ZNF827: variants seen among roughly 807,000 people sequenced by gnomAD.
The protein encoded by ZNF827 is zinc finger protein 827.
ZNF827 carries 13 observed loss-of-function variants against 102.4 expected under a neutral mutation model. The ratio of observed to expected loss-of-function variants is 0.13; its 90% CI spans 0.08 to 0.20. The LOEUF is 0.20. Ranked by LOEUF, ZNF827 falls within the 10% of genes least tolerant of loss-of-function variation. The probability of loss-of-function intolerance (pLI) is 1.00; values close to 1 mark genes in which losing one functional copy is unlikely to be tolerated. For missense variants in ZNF827, 1,103 were observed against 1,344.4 expected (o/e 0.82, Z 2.81); for synonymous variants, 523 against 536.2 (o/e 0.98, Z 0.34).
intron 1 of ZNF827, among the ~76,000 whole-genome samples, chr4:145,917,711 AAAAAAAAAAAAAAAAGAAAAG>A (rs1752760871): frequency 1.4e-5 from 2 of 146,502 alleles, no homozygotes; most frequent in Admixed American, 6.7e-5. Context: ...AAAAAAAAAA[AAAAAAAAAAAAAAAAGAAAAG>A]AAAAAACAAC....
Position 145,917,522 on chromosome 4 carries a change from T to C in ZNF827, c.44-14307A>G, listed in dbSNP as rs144062910. ...ACAGCTTCTTAAAGTCCCTCTTGATTACCTCTTAAAGGCCCCATCTCTCAA... is the reference window on the plus strand; with the variant it reads ...ACAGCTTCTTAAAGTCCCTCTTGATCACCTCTTAAAGGCCCCATCTCTCAA... On this transcript the variant is annotated intron_variant, in intron 1 of 14. Coordinates refer to ENST00000508784, the MANE Select transcript of ZNF827 (RefSeq NM_001306215.2). Among the ~76,000 whole-genome samples the C allele has an allele frequency of 4.1e-3, 631 of 152,060 alleles. 8 individuals are homozygous for C. The highest frequency in any genetic ancestry group is 0.014 in the African/African-American group (599 of 41,496).
chr4:145,804,753 T>C (rs1741240469), intron 8 of ZNF827, among the ~76,000 whole-genome samples: 1 of 152,176 alleles, frequency 6.6e-6, no homozygotes. Flanking sequence ...ATAAATTTCT[T>C]ATTAGGTACT....
chr4:145,771,203 C>T (rs1017932960), intron 11 of ZNF827, among the ~76,000 whole-genome samples: 1 of 152,116 alleles, frequency 6.6e-6, no homozygotes, highest in African/African-American at 2.4e-5. Flanking sequence ...TTTTCAGACC[C>T]AGGTTTTGGT....
chr4:145,844,169 G>T lies in ZNF827; in HGVS notation c.2279+1787C>A, dbSNP rs116398867. Reference sequence around the variant, plus strand: ...AGCTTAAAGGTTAGATGTAGGAGGGGGCAGGATGGATTCCATGGGAGTTCA... The same window carrying T: ...AGCTTAAAGGTTAGATGTAGGAGGGTGCAGGATGGATTCCATGGGAGTTCA... On this transcript the variant is annotated intron_variant, in intron 7 of 14. Coordinates refer to ENST00000508784, the MANE Select transcript of ZNF827 (RefSeq NM_001306215.2). 3.2e-3 allele frequency among the ~76,000 whole-genome samples: 480 copies of T among 152,086 alleles called. 2 individuals are homozygous for T. The highest frequency in any genetic ancestry group is 0.011 in the African/African-American group (461 of 41,488).
At chr4:145,936,887 G>C (rs1448997655) in intron 1 of ZNF827, among the ~76,000 whole-genome samples, 1 of 151,906 alleles carries the variant, frequency 6.6e-6, no homozygotes, top group African/African-American at 2.4e-5. Context: ...TCCGAGCAGC[G>C]CCAAACCGCC....
At position 145,912,598 on chromosome 4, in the gene ZNF827, T is replaced by C. The variant is rs536309186; in HGVS notation, c.44-9383A>G. ...AGATAATCAAGTGAAGATGAGGTCA[T>C]TGGGGTGGACTCAAATCCAGTATGA... On this transcript the variant is annotated intron_variant, in intron 1 of 14. Transcript: ENST00000508784. Among the ~76,000 whole-genome samples the C allele has an allele frequency of 4.6e-5, 7 of 152,294 alleles. No homozygotes were observed. In the East Asian group the frequency reaches 1.2e-3, roughly 25 times the overall value.
At chr4:145,886,548 C>T (rs1750134870) in intron 3 of ZNF827, among the ~76,000 whole-genome samples, 2 of 152,180 alleles carry the variant, frequency 1.3e-5, no homozygotes, top group African/African-American at 4.8e-5. Context: ...ATTCCTCTCA[C>T]AATAATGATA....
Position 145,903,031 on chromosome 4 carries a change from G to C in ZNF827, c.228C>G (p.Pro76=). The change falls in exon 2 of 15, where the codon CCC becomes CCG. Residue 76 remains proline, a synonymous_variant. Transcript: ENST00000508784. ...CCACCAGCTCCAACGTGTGGCTGCTGGGAGTCGTGCTTCCCAAGGAGGTGT... is the reference window on the plus strand; with the variant it reads ...CCACCAGCTCCAACGTGTGGCTGCTCGGAGTCGTGCTTCCCAAGGAGGTGT... ...SPDTSLGSTT[P]SSHTLELVAL... 1 of 1,614,188 alleles carries C rather than the reference G, an allele frequency of 6.2e-7. No homozygotes were observed. Among genetic ancestry groups the C allele is most frequent in the Non-Finnish European group, 8.5e-7 (1 of 1,180,042 alleles).
intron 3 of ZNF827, among the ~76,000 whole-genome samples, chr4:145,889,165 GA>G (rs1377652463): frequency 6.6e-6 from 1 of 152,080 alleles, no homozygotes; most frequent in Non-Finnish European, 1.5e-5. Context: ...CAGCACTAAA[GA>G]CAGATCACAA....
chr4:145,870,363 A>G lies in ZNF827; in HGVS notation c.1863T>C (p.Ser621=). Residue 621 remains serine, a synonymous_variant, in exon 5 of 15, where the codon TCT becomes TCC. Transcript: ENST00000508784. ...PRSSYVFSPE[S]EVSAPGVSED... is the part of the protein sequence containing the mutation. ...CAGAGACGCCTGGGGCTGACACTTC[A>G]GATTCCGGGCTGAACACATAGCTGG... 1 of 1,614,168 alleles carries G rather than the reference A, an allele frequency of 6.2e-7. No homozygotes were observed. The highest frequency in any genetic ancestry group is 8.5e-7 in the Non-Finnish European group (1 of 1,180,030).
At position 145,765,432 on chromosome 4, in the gene ZNF827, T is replaced by C; in HGVS notation, c.3052+115A>G. 1 of 1,264,226 alleles carries C rather than the reference T, an allele frequency of 7.9e-7. No individual in the cohort carries two copies. The allele number at this position is 1,264,226 out of a possible 1,614,324, so 78.3% of individuals were successfully genotyped here. On this transcript the variant is annotated intron_variant, in intron 12 of 14. Coordinates refer to ENST00000508784, the MANE Select transcript of ZNF827 (RefSeq NM_001306215.2). The surrounding 1 kb of genome is among the most constrained non-coding windows in gnomAD (Gnocchi z 4.7). ...AACCTTTAGGTGAGGCCCAGCATAC[T>C]GCATCCTGGGCCTATTATCAGTTTT... is the stretch of plus-strand genomic sequence containing the variant.
Position 145,849,465 on chromosome 4 carries a change from T to G in ZNF827, c.2078A>C (p.Asn693Thr). 1 of 1,614,218 alleles carries G rather than the reference T, an allele frequency of 6.2e-7. No individual in the cohort carries two copies. Among genetic ancestry groups the G allele is most frequent in the Non-Finnish European group, 8.5e-7 (1 of 1,180,036 alleles). ...CCCGATTAAAGTGCTGTAGCCAACA[T>G]TCCGGCTGGGTGATATCGAGACATG... Reference protein sequence around the residue: ...DSHVSISPSRNVGYSTLIGRE... With the variant: ...DSHVSISPSRTVGYSTLIGRE... The change falls in exon 6 of 15, where the codon AAT becomes ACT. Residue 693 changes from asparagine (N) to threonine (T), a missense_variant. By Grantham distance (65) the Asn-to-Thr change is moderately conservative (BLOSUM62 0). Around this residue, in one of 5 missense-constraint regions of ZNF827, gnomAD observed 243 missense variants for 251.6 expected, o/e 0.97. Transcript: ENST00000508784.
In ZNF827 at chr4:145,757,788, T is replaced by G. The variant is rs868359567; in HGVS notation, c.*3828A>C. ...GCAAAAAGCTTTATACAATACAAAT[T>G]TTCAGTAATGTACACAAACCTTGAC... On this transcript the variant is annotated 3_prime_UTR_variant, in exon 15 of 15. Coordinates refer to ENST00000508784, the MANE Select transcript of ZNF827 (RefSeq NM_001306215.2). 1.3e-5 allele frequency: 2 copies of G among 151,440 alleles called. No homozygotes were observed. The highest frequency in any genetic ancestry group is 4.8e-5 in the African/African-American group (2 of 41,254). The allele number at this position is 151,440 out of a possible 1,614,324, so 9.4% of individuals were successfully genotyped here. A position where few individuals can be genotyped will look rare whatever the true frequency, so the allele number is the denominator to read the frequency against.
At chr4:145,796,451 C>T (rs1740389971) in intron 8 of ZNF827, among the ~76,000 whole-genome samples, 1 of 152,050 alleles carries the variant, frequency 6.6e-6, no homozygotes, top group South Asian at 2.1e-4. Flanking sequence ...CTTATCTGGT[C>T]ACTTGCAAAT....
intron 5 of ZNF827, among the ~76,000 whole-genome samples, chr4:145,856,968 TGCGCGC>T (rs1308152102): frequency 9.5e-5 from 13 of 136,312 alleles, no homozygotes; most frequent in African/African-American, 3.3e-4. Context: ...TTCTCGCTCA[TGCGCGC>T]GCACGCGCAC....
intron 8 of ZNF827, among the ~76,000 whole-genome samples, chr4:145,794,465 C>G (rs1011316676): frequency 2.6e-5 from 4 of 152,124 alleles, no homozygotes; most frequent in Non-Finnish European, 4.4e-5. Context: ...GGTGGGAAGA[C>G]TGCTTGAGCC....
At chr4:145,767,991 A>C (rs1178483077) in intron 11 of ZNF827, among the ~76,000 whole-genome samples, 7 of 152,244 alleles carry the variant, frequency 4.6e-5, no homozygotes, top group Admixed American at 6.5e-5. Flanking sequence ...AGATAAAAGT[A>C]ACATTGTTTA....
At chr4:145,820,679 AC>A (rs1317274333) in intron 8 of ZNF827, among the ~76,000 whole-genome samples, 3 of 151,814 alleles carry the variant, frequency 2.0e-5, no homozygotes, top group African/African-American at 7.3e-5. Context: ...TGCTTTTCCC[AC>A]CCCACTCCTC....
intron 8 of ZNF827, among the ~76,000 whole-genome samples, chr4:145,799,942 T>C (rs1207004993): frequency 2.0e-5 from 3 of 152,236 alleles, no homozygotes; most frequent in Admixed American, 6.5e-5. Flanking sequence ...GCTTATACTC[T>C]GGCTGTTACA....
Sources: gnomAD v4.1 joint callset for allele counts (sites outside exome capture counted in the v4.1 genomes callset) on GRCh38, gnomAD v4.1.1 for gene constraint, gnomAD v4.1.1 regional missense constraint, Gnocchi (gnomAD v3.1) non-coding constraint, MANE v1.5 for transcripts, NCBI Gene and HGNC (gene_info 2026-07-23, HGNC 2026-07-21) for gene names.